The following DCC variants were observed in gnomAD, a reference collection of about 807,000 sequenced individuals.
The protein encoded by DCC is netrin receptor DCC.
DCC carries 58 observed loss-of-function variants against 172.5 expected under a neutral mutation model. That is an observed-to-expected ratio of 0.34 (90% CI 0.27 to 0.42). The LOEUF (loss-of-function observed/expected upper bound fraction) is 0.42. Among genes scored for constraint, DCC ranks in the 10% least tolerant of loss-of-function variants. DCC has a pLI of 1.00. For missense variants in DCC, 1,740 were observed against 1,791.0 expected, an observed-to-expected ratio of 0.97 and a Z score of 0.51; for synonymous variants, 709 against 644.5, an observed-to-expected ratio of 1.10 and a Z score of -1.52.
chr18:52,376,499 G>GTGTT (rs1985353875), intron 1 of DCC, among the ~76,000 whole-genome samples: 1 of 152,088 alleles, frequency 6.6e-6, no homozygotes, highest in Admixed American at 6.6e-5. Flanking sequence ...GTGTGTGTGT[G>GTGTT]TGTGTGTGTA....
intron 2 of DCC, among the ~76,000 whole-genome samples, chr18:52,771,779 T>C (rs1477213698): frequency 6.6e-6 from 1 of 151,168 alleles, no homozygotes; most frequent in Non-Finnish European, 1.5e-5. Flanking sequence ...ACACACCTTC[T>C]CTCTCTAGTC....
intron 2 of DCC, among the ~76,000 whole-genome samples, chr18:52,779,798 T>C (rs2037500746): frequency 6.6e-6 from 1 of 152,168 alleles, no homozygotes; most frequent in Non-Finnish European, 1.5e-5. Context: ...TATTTCTTCA[T>C]ATCCTCTCCA....
chr18:52,570,642 T>C (rs2033271651), intron 1 of DCC, among the ~76,000 whole-genome samples: 2 of 152,194 alleles, frequency 1.3e-5, no homozygotes, highest in African/African-American at 4.8e-5. Flanking sequence ...TTGTGTCATA[T>C]TATGATGTTT....
intron 23 of DCC, among the ~76,000 whole-genome samples, chr18:53,451,948 T>C (rs969144769): frequency 2.0e-5 from 3 of 152,174 alleles, no homozygotes; most frequent in African/African-American, 7.2e-5. Flanking sequence ...ATTTATGAGA[T>C]TTGACTAGTT....
At chr18:53,511,109 A>C (rs2046246002) in intron 27 of DCC, among the ~76,000 whole-genome samples, 1 of 152,262 alleles carries the variant, frequency 6.6e-6, no homozygotes, top group African/African-American at 2.4e-5. Flanking sequence ...AGAACAGATA[A>C]GAAAATGTAG....
chr18:52,630,419 C>G (rs1256878477), intron 1 of DCC, among the ~76,000 whole-genome samples: 8 of 152,182 alleles, frequency 5.3e-5, no homozygotes, highest in Non-Finnish European at 4.4e-5. Flanking sequence ...AAGCATCTGA[C>G]TTCATTTTAC....
At position 52,448,748 on chromosome 18, in the gene DCC, T is replaced by C. The variant is rs576750431; in HGVS notation, c.91+107870T>C. 3.3e-5 allele frequency among the ~76,000 whole-genome samples: 5 copies of C among 152,328 alleles called. No homozygotes were observed. The South Asian group carries it at 8.3e-4, about 25-fold the overall frequency. On this transcript the variant is annotated intron_variant, in intron 1 of 28. Transcript: ENST00000442544. ...AGTTTTTACTTAGTGGAGACCCAGG[T>C]CATTCTGAATGGAGTGAGTAACACT...
intron 2 of DCC, among the ~76,000 whole-genome samples, chr18:52,761,611 T>TC (rs1686465251): frequency 6.6e-6 from 1 of 152,144 alleles, no homozygotes; most frequent in Non-Finnish European, 1.5e-5. Context: ...AAATTTATCT[T>TC]TTCATTCTAT....
chr18:52,690,770 C>T (rs2035918840), intron 1 of DCC, among the ~76,000 whole-genome samples: 1 of 151,954 alleles, frequency 6.6e-6, no homozygotes, highest in South Asian at 2.1e-4. Flanking sequence ...TAATAAAAAC[C>T]ATGCTAGAAG....
At chr18:53,251,055 C>T (rs1805635723) in intron 12 of DCC, among the ~76,000 whole-genome samples, 1 of 151,914 alleles carries the variant, frequency 6.6e-6, no homozygotes, top group Non-Finnish European at 1.5e-5. Context: ...TTGTGGCCTC[C>T]CTTTCTCTTA....
intron 12 of DCC, among the ~76,000 whole-genome samples, chr18:53,234,723 C>T (rs1022718129): frequency 2.6e-5 from 4 of 152,146 alleles, no homozygotes; most frequent in South Asian, 4.1e-4. Context: ...TTTACCTAAA[C>T]CAGTGCTTAC....
intron 13 of DCC, among the ~76,000 whole-genome samples, chr18:53,310,722 A>T (rs562064376): frequency 6.6e-6 from 1 of 152,288 alleles, no homozygotes; most frequent in South Asian, 2.1e-4. Flanking sequence ...TAGTTTATGG[A>T]CTGAAAAATT....
intron 5 of DCC, among the ~76,000 whole-genome samples, chr18:52,970,376 G>A (rs186861892): frequency 1.3e-5 from 2 of 152,174 alleles, no homozygotes; most frequent in East Asian, 3.9e-4. Context: ...TTTGATTTAT[G>A]AGAAAGTGGA....
intron 13 of DCC, among the ~76,000 whole-genome samples, chr18:53,309,177 A>G (rs2057236107): frequency 6.6e-6 from 1 of 152,106 alleles, no homozygotes; most frequent in African/African-American, 2.4e-5. Context: ...AGCTGGGACT[A>G]TAGGTGTGTT....
At chr18:52,566,144 T>C (rs2144749267) in intron 1 of DCC, among the ~76,000 whole-genome samples, 1 of 152,168 alleles carries the variant, frequency 6.6e-6, no homozygotes, top group East Asian at 1.9e-4. Context: ...GATCAGATCG[T>C]TTTAGATGGG....
At chr18:52,933,919 G>T (rs967400012) in intron 5 of DCC, among the ~76,000 whole-genome samples, 10 of 152,012 alleles carry the variant, frequency 6.6e-5, no homozygotes, top group African/African-American at 2.4e-4. Flanking sequence ...CCGTTTGAGT[G>T]TGAAAAGTAG....
intron 2 of DCC, among the ~76,000 whole-genome samples, chr18:52,778,139 T>C (rs1440796240): frequency 1.3e-5 from 2 of 152,124 alleles, no homozygotes; most frequent in Non-Finnish European, 2.9e-5. Flanking sequence ...ATGTCTAAAG[T>C]TGAAAAACTT....
intron 2 of DCC, among the ~76,000 whole-genome samples, chr18:52,841,085 G>A (rs2038797909): frequency 6.6e-6 from 1 of 152,154 alleles, no homozygotes; most frequent in African/African-American, 2.4e-5. Context: ...AGGAGAAGTA[G>A]TCATTCATCT....
chr18:53,491,726 T>C (rs1052713396), intron 26 of DCC, among the ~76,000 whole-genome samples: 2 of 152,240 alleles, frequency 1.3e-5, no homozygotes, highest in African/African-American at 2.4e-5. Context: ...CAGTCCATCG[T>C]TGATGGGCAT....
Sources: allele counts gnomAD v4.1 joint callset (sites outside exome capture counted in the v4.1 genomes callset), GRCh38; gene constraint gnomAD v4.1.1; transcripts MANE v1.5; gene names NCBI Gene and HGNC (gene_info 2026-07-23, HGNC 2026-07-21).